SNX29: variants seen among roughly 807,000 people sequenced by gnomAD.
SNX29 encodes the protein sorting nexin 29.
Under a neutral mutation model 102.1 loss-of-function variants are expected in SNX29, and 78 were observed. The ratio of observed to expected loss-of-function variants is 0.76; its 90% confidence interval spans 0.64 to 0.92. The LOEUF (loss-of-function observed/expected upper bound fraction) is 0.92. SNX29 is among the 40% of genes least tolerant of loss of function. The pLI is 0.00. For synonymous variants in SNX29, 580 were observed against 414.5 expected (o/e 1.40, Z -4.85); for missense variants, 1,280 against 1,061.7 (o/e 1.21, Z -2.86).
chr16:12,238,952 C>G (rs1019036546), intron 14 of SNX29, among the ~76,000 whole-genome samples: 6 of 152,172 alleles, frequency 3.9e-5, no homozygotes, highest in South Asian at 2.1e-4. Flanking sequence ...TTGTAGGTAG[C>G]AAACAGGAGA....
chr16:12,529,071 C>T (rs965513803), intron 20 of SNX29, among the ~76,000 whole-genome samples: 1 of 152,232 alleles, frequency 6.6e-6, no homozygotes, highest in Non-Finnish European at 1.5e-5. Context: ...GCCATCTGCA[C>T]AAATCTGAGT....
chr16:12,517,994 G>A (rs770064952), intron 19 of SNX29, among the ~76,000 whole-genome samples: 2 of 152,126 alleles, frequency 1.3e-5, no homozygotes, highest in Non-Finnish European at 2.9e-5. Context: ...GGTGAGGGTC[G>A]GGGTGGGAGG....
chr16:12,085,649 A>G (rs1220460311), intron 11 of SNX29, among the ~76,000 whole-genome samples: 2 of 151,806 alleles, frequency 1.3e-5, no homozygotes, highest in East Asian at 1.9e-4. Context: ...CTCTAATAAA[A>G]TGTGTCTGTT....
chr16:12,063,487 GCC>G (rs2050879361), intron 9 of SNX29, among the ~76,000 whole-genome samples: 1 of 147,730 alleles, frequency 6.8e-6, no homozygotes, highest in African/African-American at 2.5e-5. Context: ...TGATTCTCCT[GCC>G]TCAGCTTCCA....
chr16:12,520,465 C>G (rs1200246314), intron 19 of SNX29, among the ~76,000 whole-genome samples: 2 of 152,192 alleles, frequency 1.3e-5, no homozygotes, highest in Admixed American at 6.5e-5. Context: ...GTGCAAGTTC[C>G]TCACCTTTCT....
At chr16:12,550,257 C>G (rs945441964) in intron 20 of SNX29, among the ~76,000 whole-genome samples, 1 of 152,122 alleles carries the variant, frequency 6.6e-6, no homozygotes, top group African/African-American at 2.4e-5. Context: ...CAAATATGGG[C>G]CAGACACAGA....
chr16:12,552,072 C>G (rs563099342), intron 20 of SNX29, among the ~76,000 whole-genome samples: 5 of 152,314 alleles, frequency 3.3e-5, no homozygotes, highest in African/African-American at 9.6e-5. Context: ...GAATCTCTGT[C>G]TCAATCACTC....
At chr16:12,553,285 G>A (rs1011396284) in intron 20 of SNX29, among the ~76,000 whole-genome samples, 6 of 152,240 alleles carry the variant, frequency 3.9e-5, no homozygotes, top group African/African-American at 1.2e-4. Context: ...CACAGAGTAA[G>A]AGGAAAATGA....
chr16:12,244,112 A>T (rs1374606145), intron 14 of SNX29, among the ~76,000 whole-genome samples: 1 of 152,060 alleles, frequency 6.6e-6, no homozygotes, highest in African/African-American at 2.4e-5. Flanking sequence ...TGAGATTCTA[A>T]TGCCACCTCT....
chr16:12,107,328 A>G (rs2053298394), intron 11 of SNX29, among the ~76,000 whole-genome samples: 1 of 147,556 alleles, frequency 6.8e-6, no homozygotes, highest in African/African-American at 2.5e-5. Context: ...GACTGACCAC[A>G]GCACTGTGGG....
chr16:12,267,726 A>G (rs868793705), intron 14 of SNX29, among the ~76,000 whole-genome samples: 6 of 152,320 alleles, frequency 3.9e-5, no homozygotes, highest in Middle Eastern at 3.4e-3. Context: ...ACGGCAAGTT[A>G]TCTTTTGGAG....
intron 14 of SNX29, among the ~76,000 whole-genome samples, chr16:12,213,129 C>G (rs894806274): frequency 1.3e-5 from 2 of 151,466 alleles, no homozygotes; most frequent in South Asian, 2.1e-4. Flanking sequence ...AAGAAAAACA[C>G]AAACAAACAA....
chr16:12,540,250 C>A (rs1047673062), intron 20 of SNX29, among the ~76,000 whole-genome samples: 3 of 152,302 alleles, frequency 2.0e-5, no homozygotes, highest in African/African-American at 7.2e-5. Flanking sequence ...TCCCCCCACC[C>A]CCAGCGTAAG....
At chr16:12,005,734 T>C (rs1412627123) in intron 3 of SNX29, among the ~76,000 whole-genome samples, 2 of 152,170 alleles carry the variant, frequency 1.3e-5, no homozygotes, top group African/African-American at 2.4e-5. Context: ...GCTCCAAAAT[T>C]CAAAACTTTT....
intron 18 of SNX29, among the ~76,000 whole-genome samples, chr16:12,406,441 C>G (rs4781226): frequency 0.55 from 84,041 of 152,008 alleles, 23,895 homozygotes; most frequent in Non-Finnish European, 0.62. Context: ...GTCTGGTTTT[C>G]TTAAGATTTC....
chr16:12,116,635 C>G (rs2053713998), intron 11 of SNX29, among the ~76,000 whole-genome samples: 1 of 152,186 alleles, frequency 6.6e-6, no homozygotes, highest in Admixed American at 6.5e-5. Flanking sequence ...GATCACGCCA[C>G]CATACTCCAG....
chr16:12,423,345 C>T (rs956422250), intron 18 of SNX29, among the ~76,000 whole-genome samples: 7 of 152,134 alleles, frequency 4.6e-5, no homozygotes, highest in African/African-American at 9.7e-5. Context: ...CACTGCCTCC[C>T]GTCAACCTCA....
intron 19 of SNX29, among the ~76,000 whole-genome samples, chr16:12,479,371 G>C (rs1392405831): frequency 6.6e-6 from 1 of 152,188 alleles, no homozygotes; most frequent in Non-Finnish European, 1.5e-5. Flanking sequence ...TGGCACTTGG[G>C]AATTTCATAG....
chr16:12,355,875 A>G (rs531166687), intron 15 of SNX29, among the ~76,000 whole-genome samples: 295 of 135,712 alleles, frequency 2.2e-3, no homozygotes, highest in African/African-American at 4.8e-3. Context: ...AAAAAAAAAA[A>G]AGAGAGAGGA....
Sources: allele counts gnomAD v4.1 joint callset (sites outside exome capture counted in the v4.1 genomes callset), GRCh38; gene constraint gnomAD v4.1.1; transcripts MANE v1.5; gene names NCBI Gene and HGNC (gene_info 2026-07-23, HGNC 2026-07-21).